The following CUL4B variants were observed in gnomAD, a reference collection of about 807,000 sequenced individuals.
CUL4B encodes cullin-4B.
CUL4B carries 1 observed loss-of-function variant against 69.2 expected under a neutral mutation model. That is an observed-to-expected ratio of 0.01 (90% CI 0.01 to 0.07). The LOEUF is 0.07. Among genes scored for constraint, CUL4B ranks in the 10% least tolerant of loss-of-function variants. CUL4B has a pLI of 1.00. For missense variants in CUL4B, 328 were observed against 638.8 expected, an observed-to-expected ratio of 0.51 and a Z score of 5.24; for synonymous variants, 237 against 223.2, an observed-to-expected ratio of 1.06 and a Z score of -0.55.
chrX:120,547,075 G>A (rs958691672), intron 3 of CUL4B, 61 bp downstream of exon 3: 6 of 755,435 alleles, frequency 7.9e-6, no homozygotes, highest in African/African-American at 4.2e-5. Context: ...GTTAAACAGT[G>A]AGGGGTAGGG....
chrX:120,566,430 T>C (rs1407571626), upstream of CUL4B, among the ~76,000 whole-genome samples: 77 of 95,176 alleles, frequency 8.1e-4, no homozygotes, highest in Non-Finnish European at 1.4e-3. Context: ...GGAGTTTCGC[T>C]CTTGTTGCCC....
At chrX:120,556,915 T>A (rs917446904) in intron 2 of CUL4B, among the ~76,000 whole-genome samples, 33 of 87,564 alleles carry the variant, frequency 3.8e-4, no homozygotes, top group South Asian at 3.1e-3. Context: ...ATATATATAT[T>A]TTTTTTTTTT....
rs779993669 is a variant in CUL4B at position 120,543,036 on chromosome X, A to T, written c.1257-3T>A. The T allele has an allele frequency of 8.7e-7, 1 of 1,155,159 alleles. No individual in the cohort carries two copies. Among genetic ancestry groups the T allele is most frequent in the Non-Finnish European group, 1.2e-6 (1 of 846,887 alleles). Reference sequence around the variant, plus strand: ...CTACAGTAGCAATTAATGACTTCCTACAAGGAAAAAAAAAAAGGTTAGTAT... The same window carrying T: ...CTACAGTAGCAATTAATGACTTCCTTCAAGGAAAAAAAAAAAGGTTAGTAT... On this transcript the variant is annotated splice_polypyrimidine_tract_variant and splice_region_variant and intron_variant, in intron 8 of 19. Coordinates refer to ENST00000371322, the MANE Select transcript of CUL4B (RefSeq NM_001079872.2).
At chrX:120,552,824 C>T (rs1924763796) in intron 2 of CUL4B, among the ~76,000 whole-genome samples, 1 of 112,262 alleles carries the variant, frequency 8.9e-6, no homozygotes, top group African/African-American at 3.2e-5. Flanking sequence ...AGTTTTCGAG[C>T]TATGTTTACA....
upstream of CUL4B, among the ~76,000 whole-genome samples, chrX:120,564,750 A>G (rs1204824571): frequency 1.8e-5 from 2 of 112,766 alleles, no homozygotes; most frequent in African/African-American, 6.4e-5. Flanking sequence ...TCTCAACATT[A>G]AAATACATTT....
intron 7 of CUL4B, 88 bp from the exon 8 acceptor site, chrX:120,543,897 G>C (rs1293138258): frequency 1.4e-6 from 1 of 701,059 alleles, no homozygotes; most frequent in Non-Finnish European, 2.3e-6. Context: ...AAGTGGCCCT[G>C]TCAAATGTGA....
At chrX:120,539,192 G>T in intron 12 of CUL4B, 76 bp downstream of exon 12, 1 of 564,954 alleles carries the variant, frequency 1.8e-6, no homozygotes, top group Non-Finnish European at 2.8e-6. Flanking sequence ...ATTCCCTCCA[G>T]TTTGAATATA....
chrX:120,555,219 A>G (rs1316561934), intron 2 of CUL4B, among the ~76,000 whole-genome samples: 11 of 112,384 alleles, frequency 9.8e-5, no homozygotes, highest in Non-Finnish European at 1.7e-4. Flanking sequence ...ATGTATCAGG[A>G]AAAGTATTTT....
chrX:120,561,100 G>A, upstream of CUL4B: 1 of 1,029,468 alleles, frequency 9.7e-7, no homozygotes, highest in Non-Finnish European at 1.2e-6. Flanking sequence ...GCCATTTCCG[G>A]TCACGCGGCG....
intron 17 of CUL4B, among the ~76,000 whole-genome samples, chrX:120,534,021 G>A (rs918567393): frequency 2.7e-5 from 3 of 109,793 alleles, no homozygotes; most frequent in Non-Finnish European, 5.7e-5. Flanking sequence ...AGCCGAGATC[G>A]CGCCACTGCA....
At chrX:120,530,447 G>A (rs1024831680) in intron 18 of CUL4B, among the ~76,000 whole-genome samples, 193 bp from the exon 19 acceptor site, 1 of 111,992 alleles carries the variant, frequency 8.9e-6, no homozygotes, top group African/African-American at 3.2e-5. Flanking sequence ...TGATTATATT[G>A]CCCTATACCA....
intron 2 of CUL4B, among the ~76,000 whole-genome samples, chrX:120,550,345 A>T (rs956229879): frequency 1.8e-5 from 2 of 112,125 alleles, no homozygotes; most frequent in African/African-American, 6.5e-5. Context: ...TTCAAAAAAA[A>T]CTCTAGCAAT....
At chrX:120,565,245 C>T (rs369315556), upstream of CUL4B, among the ~76,000 whole-genome samples, 41 of 110,702 alleles carry the variant, frequency 3.7e-4, no homozygotes, top group African/African-American at 1.3e-3. Flanking sequence ...ACTAGACAGA[C>T]ACTCCTGGAA....
upstream of CUL4B, among the ~76,000 whole-genome samples, chrX:120,564,851 G>A (rs1190335473): frequency 8.9e-6 from 1 of 111,867 alleles, no homozygotes; most frequent in Non-Finnish European, 1.9e-5. Context: ...AACCAGACTG[G>A]GCACTTAACA....
At chrX:120,561,071 A>G, upstream of CUL4B, 1 of 1,004,251 alleles carries the variant, frequency 1.0e-6, no homozygotes, top group Non-Finnish European at 1.3e-6. Context: ...TGTCAATAGC[A>G]CAAGAGGCTA....
At chrX:120,564,160 G>A (rs147176324), upstream of CUL4B, among the ~76,000 whole-genome samples, 98 of 111,603 alleles carry the variant, frequency 8.8e-4, no homozygotes, top group Non-Finnish European at 1.2e-3. Context: ...AAAATGAGCC[G>A]GACATGGTGG....
At position 120,544,655 on chromosome X, in the gene CUL4B, A is replaced by G; in HGVS notation, c.921-12T>C. ...CCAGTCCCATGTCCCTAAAATAAAAAACACATATAACCTAAATTAATTGAC... is the reference window on the plus strand; with the variant it reads ...CCAGTCCCATGTCCCTAAAATAAAAGACACATATAACCTAAATTAATTGAC... On this transcript the variant is annotated splice_polypyrimidine_tract_variant and intron_variant, in intron 5 of 19. Coordinates refer to ENST00000371322, the MANE Select transcript of CUL4B (RefSeq NM_001079872.2). The G allele has an allele frequency of 8.5e-7, 1 of 1,182,313 alleles. No individual in the cohort carries two copies. Among genetic ancestry groups the G allele is most frequent in the Non-Finnish European group, 1.1e-6 (1 of 869,619 alleles).
chrX:120,566,809 C>A (rs1416237368), downstream of CUL4B, among the ~76,000 whole-genome samples: 1 of 111,374 alleles, frequency 9.0e-6, no homozygotes, highest in East Asian at 2.8e-4. Context: ...ATCTGTCATA[C>A]CTGTGAACCA....
In CUL4B at chrX:120,545,531, AAAAAG is replaced by A; in HGVS notation, c.847-19_847-15del. On this transcript the variant is annotated splice_polypyrimidine_tract_variant and intron_variant, in intron 4 of 19. Transcript: ENST00000371322. ...CCTGATCATGATCTGCCAATGAAAAAAAAAGAAATCAAACAAGTTTTGTATGTTGT... is the reference window on the plus strand; with the variant it reads ...CCTGATCATGATCTGCCAATGAAAAAAAATCAAACAAGTTTTGTATGTTGT... The A allele has an allele frequency of 8.9e-7, 1 of 1,123,046 alleles. No homozygotes were observed. The highest frequency in any genetic ancestry group is 1.2e-6 in the Non-Finnish European group (1 of 827,292). The allele number at this position is 1,123,046 out of a possible 1,213,427, so 92.6% of individuals were successfully genotyped here. A position where few individuals can be genotyped will look rare whatever the true frequency, so the allele number is the denominator to read the frequency against.
Sources: allele counts gnomAD v4.1 joint callset (sites outside exome capture counted in the v4.1 genomes callset), GRCh38; gene constraint gnomAD v4.1.1; transcripts MANE v1.5; gene names NCBI Gene and HGNC (gene_info 2026-07-23, HGNC 2026-07-21).